The following ASTN1 variants were observed in gnomAD, a reference collection of about 807,000 sequenced individuals.
ASTN1 encodes astrotactin 1.
A neutral mutation model predicts 140.7 loss-of-function variants in ASTN1; 41 were observed. The ratio of observed to expected loss-of-function variants is 0.29; its 90% CI spans 0.23 to 0.38. The LOEUF (loss-of-function observed/expected upper bound fraction) is 0.38, where lower values mean the gene tolerates loss of function less well. ASTN1 is among the 10% of genes least tolerant of loss of function. The pLI, the probability that ASTN1 is intolerant of heterozygous loss-of-function variation, is 1.00. For missense variants in ASTN1, 1,479 were observed against 1,678.8 expected, an observed-to-expected ratio of 0.88 and a Z score of 2.08; for synonymous variants, 640 against 652.2, an observed-to-expected ratio of 0.98 and a Z score of 0.29.
intron 16 of ASTN1, among the ~76,000 whole-genome samples, chr1:176,914,847 G>A (rs1051860888): frequency 2.0e-5 from 3 of 152,146 alleles, no homozygotes; most frequent in African/African-American, 4.8e-5. Flanking sequence ...AAAGGATTTG[G>A]TGCCAGATAT....
chr1:177,014,631 G>C (rs1008838022), intron 8 of ASTN1, among the ~76,000 whole-genome samples, 160 bp downstream of exon 8: 1 of 152,150 alleles, frequency 6.6e-6, no homozygotes, highest in African/African-American at 2.4e-5. Flanking sequence ...TCACTGGAAT[G>C]GTATAAATAT....
intron 16 of ASTN1, among the ~76,000 whole-genome samples, chr1:176,914,751 C>T (rs140202296): frequency 1.2e-4 from 19 of 152,242 alleles, no homozygotes; most frequent in African/African-American, 3.4e-4. Context: ...AACAACAATG[C>T]GACCTTGGAG....
intron 1 of ASTN1, among the ~76,000 whole-genome samples, chr1:177,120,363 C>T (rs1681321495): frequency 6.6e-6 from 1 of 152,194 alleles, no homozygotes; most frequent in South Asian, 2.1e-4. Context: ...ATTACAAGGA[C>T]ACCTGCTTGC....
At chr1:176,924,495 A>G (rs971587336) in intron 16 of ASTN1, among the ~76,000 whole-genome samples, 1 of 152,232 alleles carries the variant, frequency 6.6e-6, no homozygotes, top group Non-Finnish European at 1.5e-5. Context: ...ATCTATCAGT[A>G]TCATAAATTA....
intron 7 of ASTN1, among the ~76,000 whole-genome samples, chr1:177,016,242 C>T (rs1295027807): frequency 6.7e-6 from 1 of 150,334 alleles, no homozygotes; most frequent in Non-Finnish European, 1.5e-5. Context: ...ACTACCAGAT[C>T]ACACCATTTT....
chr1:176,884,934 C>T (rs548482808), intron 18 of ASTN1, among the ~76,000 whole-genome samples: 1 of 152,208 alleles, frequency 6.6e-6, no homozygotes, highest in African/African-American at 2.4e-5. Flanking sequence ...AATAAGGCCA[C>T]AGTTGGTTTG....
chr1:177,061,388 G>T, intron 1 of ASTN1, 123 bp from the exon 2 acceptor site: 3 of 882,780 alleles, frequency 3.4e-6, no homozygotes, highest in African/African-American at 1.7e-5. Flanking sequence ...TTCCAACAAT[G>T]TATAGTTAGG....
At chr1:176,869,060 T>G (rs370890078) in intron 21 of ASTN1, 33 bp from the exon 22 acceptor site, 1 of 1,420,950 alleles carries the variant, frequency 7.0e-7, no homozygotes, top group African/African-American at 1.4e-5. Context: ...ATAAGTTATT[T>G]ACATATATAT....
intron 8 of ASTN1, among the ~76,000 whole-genome samples, chr1:177,011,546 C>T (rs547047902): frequency 6.6e-6 from 1 of 151,812 alleles, no homozygotes; most frequent in South Asian, 2.1e-4. Flanking sequence ...AACAAACTGG[C>T]TTCCTGTCAT....
intron 2 of ASTN1, among the ~76,000 whole-genome samples, chr1:177,042,953 A>G (rs112204863): frequency 3.9e-5 from 6 of 152,356 alleles, no homozygotes; most frequent in African/African-American, 1.4e-4. Flanking sequence ...TGTCCCAGAT[A>G]CCTGCAATCT....
chr1:176,946,866 T>G (rs1671981330), intron 12 of ASTN1, among the ~76,000 whole-genome samples: 1 of 152,194 alleles, frequency 6.6e-6, no homozygotes, highest in South Asian at 2.1e-4. Flanking sequence ...TGGACCTTAT[T>G]TGTAGTTATA....
chr1:176,870,374 A>G (rs977636044), intron 21 of ASTN1, among the ~76,000 whole-genome samples: 4 of 152,258 alleles, frequency 2.6e-5, no homozygotes, highest in Non-Finnish European at 5.9e-5. Flanking sequence ...ACTGCTGGTC[A>G]TGACAAAGTC....
chr1:177,014,702 T>C, intron 8 of ASTN1, 89 bp downstream of exon 8: 1 of 1,251,074 alleles, frequency 8.0e-7, no homozygotes, highest in Non-Finnish European at 1.2e-6. Flanking sequence ...CCTTTAGCTC[T>C]ATTCCTCTCC....
At chr1:177,158,705 G>A (rs1683352632) in intron 1 of ASTN1, among the ~76,000 whole-genome samples, 1 of 150,888 alleles carries the variant, frequency 6.6e-6, no homozygotes, top group African/African-American at 2.4e-5. Context: ...TGATATATAT[G>A]TGTATATATA....
chr1:177,097,708 C>T (rs113103325), intron 1 of ASTN1, among the ~76,000 whole-genome samples: 2 of 152,146 alleles, frequency 1.3e-5, no homozygotes, highest in African/African-American at 4.8e-5. Context: ...GAGTTAGTTG[C>T]CAGAGTAACC....
At chr1:177,077,629 T>G (rs189632249) in intron 1 of ASTN1, among the ~76,000 whole-genome samples, 2 of 152,316 alleles carry the variant, frequency 1.3e-5, no homozygotes, top group East Asian at 3.9e-4. Flanking sequence ...AAAATTAATT[T>G]CCAGTCATTC....
chr1:177,144,894 C>G (rs1682652410), intron 1 of ASTN1, among the ~76,000 whole-genome samples: 1 of 152,136 alleles, frequency 6.6e-6, no homozygotes. Flanking sequence ...TAAAACTCAT[C>G]ACCTCCAACC....
chr1:177,049,849 A>G (rs1235311551), intron 2 of ASTN1, among the ~76,000 whole-genome samples: 3 of 152,138 alleles, frequency 2.0e-5, no homozygotes, highest in African/African-American at 7.2e-5. Context: ...CCGTGGAAAG[A>G]CTGGGGGCCT....
chr1:176,936,198 C>T, intron 15 of ASTN1, 68 bp downstream of exon 15: 1 of 1,398,124 alleles, frequency 7.2e-7, no homozygotes, highest in Admixed American at 1.7e-5. Context: ...GGACCAAAGG[C>T]TTCTCCCCTT....
Sources: gnomAD v4.1 joint callset for allele counts (sites outside exome capture counted in the v4.1 genomes callset) on GRCh38, gnomAD v4.1.1 for gene constraint, MANE v1.5 for transcripts, NCBI Gene and HGNC (gene_info 2026-07-23, HGNC 2026-07-21) for gene names.